The following RXFP1 variants were observed in gnomAD, a reference collection of about 807,000 sequenced individuals.
RXFP1 encodes relaxin family peptide receptor 1.
In RXFP1, 73 loss-of-function variants were observed where a neutral mutation model predicts 89.8. That is an observed-to-expected ratio of 0.81 (90% CI 0.67 to 0.99). RXFP1 has a LOEUF of 0.99. Ranked by LOEUF, RXFP1 falls within the 50% of genes least tolerant of loss-of-function variation. RXFP1 has a pLI of 0.00. For missense variants in RXFP1, 793 were observed against 895.5 expected (o/e 0.89, Z 1.46); for synonymous variants, 277 against 305.5 (o/e 0.91, Z 0.97).
At chr4:158,537,479 C>G (rs1023591763) in intron 1 of RXFP1, among the ~76,000 whole-genome samples, 1 of 152,078 alleles carries the variant, frequency 6.6e-6, no homozygotes, top group Non-Finnish European at 1.5e-5. Flanking sequence ...CCGAAGTGCC[C>G]TTGGGGGATA....
intron 1 of RXFP1, chr4:158,544,436 CT>C (rs35396128): frequency 0.75 from 417,570 of 553,236 alleles, 155,533 homozygotes; most frequent in East Asian, 0.96. Context: ...TGACCTTCAT[CT>C]TTTTTTTTTT....
At chr4:158,525,134 T>C (rs1742167842) in intron 1 of RXFP1, among the ~76,000 whole-genome samples, 1 of 151,816 alleles carries the variant, frequency 6.6e-6, no homozygotes, top group Admixed American at 6.6e-5. Context: ...AATGTTCGCA[T>C]ATTTATCCAA....
At chr4:158,601,176 ATGTGGGCAGAAAGC>A (rs1415335875) in intron 4 of RXFP1, among the ~76,000 whole-genome samples, 2 of 151,956 alleles carry the variant, frequency 1.3e-5, no homozygotes, top group Non-Finnish European at 2.9e-5. Flanking sequence ...ACATAAAGAG[ATGTGGGCAGAAAGC>A]TGTGACCTAC....
At chr4:158,593,328 G>A (rs1759903517) in intron 2 of RXFP1, 73 bp from the exon 3 acceptor site, 3 of 827,618 alleles carry the variant, frequency 3.6e-6, no homozygotes, top group Admixed American at 2.5e-5. Context: ...TTTAAAGAGA[G>A]GACCTGTCTC....
At chr4:158,568,563 G>T (rs1754325336) in intron 1 of RXFP1, among the ~76,000 whole-genome samples, 1 of 152,170 alleles carries the variant, frequency 6.6e-6, no homozygotes, top group Admixed American at 6.5e-5. Flanking sequence ...TTATTTGTAT[G>T]CTTGAGATCT....
At chr4:158,527,232 A>T (rs904475655) in intron 1 of RXFP1, among the ~76,000 whole-genome samples, 2 of 152,104 alleles carry the variant, frequency 1.3e-5, no homozygotes, top group Non-Finnish European at 2.9e-5. Context: ...TAATTATATG[A>T]GTTATTCCAT....
In RXFP1 at chr4:158,572,719, A is replaced by ACCT. The variant is rs373380478; in HGVS notation, c.71_72insCCT (p.Asp24_Val25insLeu). On this transcript the variant is annotated inframe_insertion, in exon 2 of 18. Transcript: ENST00000307765. ...TCAGTTTCTCATGGGGGTGGACAGG[A>ACCT]TGTCAAGTGCTCCCTTGGCTATTTC... 1 of 1,614,152 alleles carries ACCT rather than the reference A, an allele frequency of 6.2e-7. No individual in the cohort carries two copies. The highest frequency in any genetic ancestry group is 1.3e-5 in the African/African-American group (1 of 75,048).
At chr4:158,589,053 C>T (rs1258951810) in intron 2 of RXFP1, among the ~76,000 whole-genome samples, 1 of 152,126 alleles carries the variant, frequency 6.6e-6, no homozygotes, top group East Asian at 1.9e-4. Context: ...CTTGGGAGGA[C>T]TCAGGAAACT....
At chr4:158,593,566 T>G in intron 3 of RXFP1, 67 bp downstream of exon 3, 2 of 820,622 alleles carry the variant, frequency 2.4e-6, no homozygotes, top group African/African-American at 1.7e-5. Flanking sequence ...AAAGTTTGAT[T>G]CAACATTTTA....
chr4:158,653,350 A>G lies in RXFP1; in HGVS notation c.*1295A>G, dbSNP rs1773039718. 1 of 152,178 alleles carries G rather than the reference A, an allele frequency of 6.6e-6. No homozygotes were observed. The highest frequency in any genetic ancestry group is 2.4e-5 in the African/African-American group (1 of 41,392). 9.4% of individuals were successfully genotyped at this position (152,178 alleles called of 1,614,324 possible). A position where few individuals can be genotyped will look rare whatever the true frequency, so the allele number is the denominator to read the frequency against. On this transcript the variant is annotated 3_prime_UTR_variant, in exon 18 of 18. Coordinates refer to ENST00000307765, the MANE Select transcript of RXFP1 (RefSeq NM_021634.4). ...TATAGATTTGTTCTGAAAATAAATT[A>G]TCTGAAATTTAACTATTAAAAATGG...
chr4:158,567,842 T>G (rs996708889), intron 1 of RXFP1, among the ~76,000 whole-genome samples: 4 of 152,134 alleles, frequency 2.6e-5, no homozygotes, highest in Non-Finnish European at 4.4e-5. Flanking sequence ...TGGGGCCAGA[T>G]AAGGGAATAA....
At chr4:158,530,920 A>T (rs1743877715) in intron 1 of RXFP1, among the ~76,000 whole-genome samples, 1 of 152,204 alleles carries the variant, frequency 6.6e-6, no homozygotes. Context: ...ATCTGTACAA[A>T]GCTTTTTGTA....
At chr4:158,587,112 G>T (rs1302009656) in intron 2 of RXFP1, among the ~76,000 whole-genome samples, 2 of 152,172 alleles carry the variant, frequency 1.3e-5, no homozygotes, top group Non-Finnish European at 2.9e-5. Flanking sequence ...TGATCCTGAG[G>T]TAGGTGGATG....
intron 9 of RXFP1, among the ~76,000 whole-genome samples, chr4:158,620,732 A>C (rs1285670925): frequency 6.6e-6 from 1 of 152,216 alleles, no homozygotes; most frequent in Non-Finnish European, 1.5e-5. Context: ...AATATGTGAT[A>C]ATCTTAAATG....
chr4:158,622,592 G>A (rs928274489), intron 9 of RXFP1, among the ~76,000 whole-genome samples: 2 of 152,190 alleles, frequency 1.3e-5, no homozygotes, highest in East Asian at 1.9e-4. Flanking sequence ...GGGACATTAT[G>A]CTGAGTGAAA....
rs570665528 is a variant in RXFP1, at chr4:158,546,813, T to G, written c.49+24788T>G. Among the ~76,000 whole-genome samples the G allele has an allele frequency of 2.6e-5, 4 of 152,326 alleles. No individual in the cohort carries two copies. In the South Asian group the frequency reaches 8.3e-4, roughly 32 times the overall value. ...AGGGATGAAGCCCACTTGATCATGG[T>G]GGATAAGCTTTTTGATGTACTGCTG... On this transcript the variant is annotated intron_variant, in intron 1 of 17. Transcript: ENST00000307765.
At chr4:158,581,655 C>T (rs1757377573) in intron 2 of RXFP1, among the ~76,000 whole-genome samples, 1 of 152,078 alleles carries the variant, frequency 6.6e-6, no homozygotes. Flanking sequence ...ATACATTTTA[C>T]CTCATTTAAT....
At chr4:158,567,686 A>G (rs142390485) in intron 1 of RXFP1, among the ~76,000 whole-genome samples, 1 of 152,050 alleles carries the variant, frequency 6.6e-6, no homozygotes. Context: ...GTATCTAGCT[A>G]ATCTAGTGGG....
chr4:158,593,901 AAT>A (rs1350608724), intron 3 of RXFP1, among the ~76,000 whole-genome samples: 1 of 152,222 alleles, frequency 6.6e-6, no homozygotes, highest in Non-Finnish European at 1.5e-5. Context: ...TGCTAGAAAA[AAT>A]TCTTCTGAGC....
Sources: gnomAD v4.1 joint callset for allele counts (sites outside exome capture counted in the v4.1 genomes callset) on GRCh38, gnomAD v4.1.1 for gene constraint, MANE v1.5 for transcripts, NCBI Gene and HGNC (gene_info 2026-07-23, HGNC 2026-07-21) for gene names.